Variants in RELN observed in about 807,000 individuals in gnomAD.
The protein encoded by RELN is reelin.
RELN carries 108 observed loss-of-function variants against 427.6 expected under a neutral mutation model. The ratio of observed to expected loss-of-function variants is 0.25; its 90% CI spans 0.22 to 0.30. The LOEUF is 0.30. Among genes scored for constraint, RELN ranks in the 10% least tolerant of loss-of-function variants. The pLI is 1.00. For missense variants in RELN, 3,715 were observed against 4,302.8 expected (o/e 0.86, Z 3.82); for synonymous variants, 1,524 against 1,513.4 (o/e 1.01, Z -0.16).
intron 1 of RELN, among the ~76,000 whole-genome samples, chr7:103,959,882 G>T (rs1490906073): frequency 4.6e-5 from 7 of 152,114 alleles, no homozygotes; most frequent in Non-Finnish European, 1.0e-4. Context: ...ATACAGGCAT[G>T]AGCCACTGCA....
At chr7:103,686,125 G>T (rs142550029) in intron 10 of RELN, among the ~76,000 whole-genome samples, 1 of 152,174 alleles carries the variant, frequency 6.6e-6, no homozygotes, top group Non-Finnish European at 1.5e-5. Context: ...ATTCTTTGAC[G>T]ATATCCTTTT....
At chr7:103,845,463 G>A (rs1176703469) in intron 2 of RELN, among the ~76,000 whole-genome samples, 2 of 152,160 alleles carry the variant, frequency 1.3e-5, no homozygotes, top group South Asian at 2.1e-4. Context: ...TTACAGGCAC[G>A]AGCCAAGGCA....
chr7:103,933,347 A>T (rs939943376), intron 1 of RELN, among the ~76,000 whole-genome samples: 1 of 152,104 alleles, frequency 6.6e-6, no homozygotes, highest in Non-Finnish European at 1.5e-5. Flanking sequence ...AACCAATGGC[A>T]TTCATGAGCT....
intron 2 of RELN, among the ~76,000 whole-genome samples, chr7:103,894,573 T>C (rs1481462597): frequency 6.6e-6 from 1 of 152,182 alleles, no homozygotes. Context: ...AAGAATGACA[T>C]AATGGTAATT....
chr7:103,591,808 A>G (rs1831423052), intron 27 of RELN, among the ~76,000 whole-genome samples: 1 of 152,192 alleles, frequency 6.6e-6, no homozygotes, highest in Non-Finnish European at 1.5e-5. Context: ...ACATACTCTC[A>G]GCTGTATTAA....
intron 8 of RELN, among the ~76,000 whole-genome samples, chr7:103,707,376 A>G (rs1009606965): frequency 6.6e-6 from 1 of 152,180 alleles, no homozygotes; most frequent in African/African-American, 2.4e-5. Flanking sequence ...ACATTTCCCA[A>G]CTCAATTATG....
intron 24 of RELN, among the ~76,000 whole-genome samples, chr7:103,602,995 C>T (rs772936631): frequency 4.6e-5 from 7 of 152,060 alleles, no homozygotes; most frequent in Non-Finnish European, 1.0e-4. Flanking sequence ...GCCTTCCCTA[C>T]GCAAACTTCC....
In RELN at chr7:103,640,542, C is replaced by A; in HGVS notation, c.2069+1G>T. 1 of 1,613,778 alleles carries A rather than the reference C, an allele frequency of 6.2e-7. No homozygotes were observed. Among genetic ancestry groups the A allele is most frequent in the Non-Finnish European group, 8.5e-7 (1 of 1,179,808 alleles). ...CATAAGTGTTATTTTAAGATGCTTACTTGCAACCATGTCTAGTGCACTGTC... is the reference window on the plus strand; with the variant it reads ...CATAAGTGTTATTTTAAGATGCTTAATTGCAACCATGTCTAGTGCACTGTC... On this transcript the variant is annotated splice_donor_variant, in intron 17 of 64. Coordinates refer to ENST00000428762, the MANE Select transcript of RELN (RefSeq NM_005045.4). LOFTEE classifies it high-confidence loss of function. This position sits in a 1 kb window ranked among gnomAD's most constrained non-coding sequence, Gnocchi z 4.1.
chr7:103,779,085 G>T (rs1177937870), intron 3 of RELN, among the ~76,000 whole-genome samples: 1 of 152,122 alleles, frequency 6.6e-6, no homozygotes, highest in East Asian at 1.9e-4. Flanking sequence ...CTGATTTCAG[G>T]TCTTAGATTC....
At chr7:103,958,666 C>G (rs142123878) in intron 1 of RELN, among the ~76,000 whole-genome samples, 51 of 152,214 alleles carry the variant, frequency 3.4e-4, no homozygotes, top group African/African-American at 1.2e-3. Context: ...AGAAACAGTA[C>G]CTGTCATCAG....
chr7:103,553,414 G>A, intron 40 of RELN, 47 bp downstream of exon 40: 1 of 1,411,936 alleles, frequency 7.1e-7, no homozygotes, highest in Non-Finnish European at 1.0e-6. Flanking sequence ...CCTAGGTTTT[G>A]TTCAATATAA....
intron 2 of RELN, among the ~76,000 whole-genome samples, chr7:103,892,968 A>C (rs1794882111): frequency 5.9e-5 from 9 of 152,200 alleles, no homozygotes; most frequent in Admixed American, 5.9e-4. Context: ...ATTTTGAAAG[A>C]GAAGAGAGGG....
Position 103,596,707 on chromosome 7 carries a change from T to C in RELN, c.3334-46A>G, listed in dbSNP as rs772165437. The C allele has an allele frequency of 7.1e-6, 11 of 1,555,618 alleles. No individual in the cohort carries two copies. In the East Asian group the frequency reaches 2.2e-4, roughly 32 times the overall value. ...TCAAATTCAGTAATCTGGGAGTTCT[T>C]TGGCATTTTGTTGTTTCAGTTCCAA... On this transcript the variant is annotated intron_variant, in intron 24 of 64. Coordinates refer to ENST00000428762, the MANE Select transcript of RELN (RefSeq NM_005045.4).
chr7:103,603,374 C>G lies in RELN; in HGVS notation c.3263G>C (p.Gly1088Ala), dbSNP rs1213532831. Reference protein sequence around the residue: ...GWESDWQEVIGGEIVKPEQGC... With the variant: ...GWESDWQEVIAGEIVKPEQGC... ...TTGTTCTGGTTTTACAATTTCTCCC[C>G]CAATAACTTCTTGCCAGTCAGACTC... Residue 1088 changes from glycine to alanine, a missense_variant, in exon 24 of 65, where the codon GGG becomes GCG. Gly to Ala is a moderately conservative substitution (Grantham distance 60, BLOSUM62 0). This residue lies in a region of RELN where 2,208 missense variants were observed against 2,361.7 expected (regional missense o/e 0.93). Transcript: ENST00000428762. The surrounding 1 kb of genome is among the most constrained non-coding windows in gnomAD (Gnocchi z 4.3). 1.2e-6 allele frequency: 2 copies of G among 1,613,868 alleles called. No homozygotes were observed. The highest frequency in any genetic ancestry group is 8.5e-7 in the Non-Finnish European group (1 of 1,179,830).
intron 1 of RELN, among the ~76,000 whole-genome samples, chr7:103,955,505 G>GTGT (rs1796415122): frequency 6.6e-6 from 1 of 152,210 alleles, no homozygotes; most frequent in Non-Finnish European, 1.5e-5. Flanking sequence ...GACATTCAGT[G>GTGT]TGTATTTTCA....
chr7:103,717,347 C>T (rs1208706025), intron 8 of RELN, among the ~76,000 whole-genome samples: 3 of 149,628 alleles, frequency 2.0e-5, no homozygotes, highest in Non-Finnish European at 4.4e-5. Flanking sequence ...TTCATTTAAA[C>T]TCATTTAAAA....
rs1833787854 is a variant in RELN, at chr7:103,687,498, C to T, written c.1144-5237G>A. The stretch of plus-strand genomic sequence containing the variant: ...ATTGTGAGCATTAGATAAAATACTG[C>T]AGGGAACATGCCTAAAGATTGCTGA... On this transcript the variant is annotated intron_variant, in intron 10 of 64. Coordinates refer to ENST00000428762, the MANE Select transcript of RELN (RefSeq NM_005045.4). Among the ~76,000 whole-genome samples the T allele has an allele frequency of 2.0e-5, 3 of 152,118 alleles. No individual in the cohort carries two copies. In the South Asian group the frequency reaches 6.2e-4, roughly 31 times the overall value.
intron 4 of RELN, among the ~76,000 whole-genome samples, chr7:103,760,268 C>A (rs1233426152): frequency 6.6e-6 from 1 of 151,738 alleles, no homozygotes; most frequent in Non-Finnish European, 1.5e-5. Flanking sequence ...AAAAAAGCTT[C>A]ATTTCTTAAA....
At chr7:103,520,540 T>G (rs1476292232) in intron 48 of RELN, among the ~76,000 whole-genome samples, 1 of 152,092 alleles carries the variant, frequency 6.6e-6, no homozygotes, top group East Asian at 1.9e-4. Flanking sequence ...CCTCCCAAAG[T>G]GCTGGGATTA....
Sources: gnomAD v4.1 joint callset for allele counts (sites outside exome capture counted in the v4.1 genomes callset) on GRCh38, gnomAD v4.1.1 for gene constraint, gnomAD v4.1.1 regional missense constraint, Gnocchi (gnomAD v3.1) non-coding constraint, MANE v1.5 for transcripts, NCBI Gene and HGNC (gene_info 2026-07-23, HGNC 2026-07-21) for gene names.